The following ARL10 variants were observed in gnomAD, a reference collection of about 807,000 sequenced individuals.
ARL10 encodes the protein ARF like GTPase 10, also known as ADP-ribosylation factor-like protein 10.
ARL10 carries 23 observed loss-of-function variants against 26.1 expected under a neutral mutation model. The observed-to-expected ratio is 0.88, with a 90% CI of 0.63 to 1.25. The LOEUF is 1.25. Among genes scored for constraint, ARL10 ranks in the 50% most tolerant of loss-of-function variants. The pLI, the probability that ARL10 is intolerant of heterozygous loss-of-function variation, is 0.00. For synonymous variants in ARL10, 138 were observed against 149.1 expected, an observed-to-expected ratio of 0.93 and a Z score of 0.54; for missense variants, 300 against 323.6, an observed-to-expected ratio of 0.93 and a Z score of 0.56.
rs1035799496 is a variant in ARL10 at position 176,373,824 on chromosome 5, C to T, written c.*1929C>T. 3 of 152,172 alleles carry T rather than the reference C, an allele frequency of 2.0e-5. No homozygotes were observed. Among genetic ancestry groups the T allele is most frequent in the Non-Finnish European group, 4.4e-5 (3 of 68,024 alleles). The allele number at this position is 152,172 out of a possible 1,614,324, so 9.4% of individuals were successfully genotyped here. A position where few individuals can be genotyped will look rare whatever the true frequency, so the allele number is the denominator to read the frequency against. ...ATTGGAAGGCTAAGAGACTTTTCTC[C>T]TTTGTTCTATGAACTCCTTGTTCTT... is the stretch of plus-strand genomic sequence containing the variant. On this transcript the variant is annotated 3_prime_UTR_variant, in exon 4 of 4. Coordinates refer to ENST00000310389, the MANE Select transcript of ARL10 (RefSeq NM_173664.6).
chr5:176,388,617 G>A (rs982616743), exon 2 of ARL10: 1 of 1,430,690 alleles, frequency 7.0e-7, no homozygotes. Flanking sequence ...CCTTCCGGAA[G>A]GCGTGCACAA....
downstream of ARL10, chr5:176,389,561 C>G: frequency 6.6e-7 from 1 of 1,511,526 alleles, no homozygotes; most frequent in Non-Finnish European, 9.0e-7. Flanking sequence ...CAACCACTGG[C>G]CCTACCGTGG....
intron 3 of ARL10, among the ~76,000 whole-genome samples, chr5:176,371,271 A>G (rs185149794): frequency 6.5e-4 from 99 of 152,348 alleles, no homozygotes; most frequent in Non-Finnish European, 1.1e-3. Context: ...GCTACTAGGG[A>G]GGCTGAAGCA....
chr5:176,407,795 AGCT>A, the ARL10 span, among the ~76,000 whole-genome samples: 2 of 152,220 alleles, frequency 1.3e-5, no homozygotes, highest in Non-Finnish European at 2.9e-5. Flanking sequence ...CTAGACATGA[AGCT>A]GCTGAAGTCC....
downstream of ARL10, among the ~76,000 whole-genome samples, chr5:176,383,365 C>T (rs1033976594): frequency 1.3e-5 from 2 of 152,228 alleles, no homozygotes; most frequent in African/African-American, 2.4e-5. Flanking sequence ...AGGGCCCACT[C>T]CATACCCTGC....
downstream of ARL10, chr5:176,388,820 A>G (rs766183554): frequency 1.2e-5 from 19 of 1,613,502 alleles, no homozygotes; most frequent in African/African-American, 2.7e-5. Context: ...TGGCCCGGAC[A>G]TGGCGACTCC....
Position 176,394,777 on chromosome 5 carries a change from T to A in ARL10, c.134-6964T>A, listed in dbSNP as rs536587063. On this transcript the variant is annotated intron_variant, in intron 1 of 1. Coordinates refer to the ARL10 transcript ENST00000514533. ...TTGCAGTGAGCTGAGATCATGCCAC[T>A]GCACTCCAGCCTGGGTGACAGAGCA... is the stretch of plus-strand genomic sequence containing the variant. Among the ~76,000 whole-genome samples, 3 of 151,740 alleles carry A rather than the reference T, an allele frequency of 2.0e-5. No homozygotes were observed. The East Asian group carries it at 5.8e-4, about 29-fold the overall frequency.
chr5:176,365,587 CTTGGTGCTGGCGCTGGG>C lies in ARL10; in HGVS notation c.25_41del (p.Leu9ArgfsTer109). On this transcript the variant is annotated frameshift_variant, in exon 1 of 4. Coordinates refer to ENST00000310389, the MANE Select transcript of ARL10 (RefSeq NM_173664.6). LOFTEE classifies it high-confidence loss of function. The stretch of plus-strand genomic sequence containing the variant: ...CGATGGCGCCGCGGCCGCTGGGCCC[CTTGGTGCTGGCGCTGGG>C]CGGCGCCGCGGCGGTGCTGGGCTCG... 8.0e-7 allele frequency: 1 copy of C among 1,244,676 alleles called. No individual in the cohort carries two copies. Among genetic ancestry groups the C allele is most frequent in the East Asian group, 3.2e-5 (1 of 31,680 alleles). 77.1% of individuals were successfully genotyped at this position (1,244,676 alleles called of 1,614,324 possible).
chr5:176,387,500 T>A (rs1292193043), intron 1 of ARL10, among the ~76,000 whole-genome samples: 2 of 152,272 alleles, frequency 1.3e-5, no homozygotes, highest in African/African-American at 4.8e-5. Context: ...TATTCTTTCA[T>A]GCCAGAGGAA....
intron 1 of ARL10, chr5:176,398,126 T>C: frequency 7.6e-7 from 1 of 1,318,330 alleles, no homozygotes; most frequent in South Asian, 1.2e-5. Context: ...GGGGACCCAC[T>C]CATGTCTGGA....
chr5:176,396,217 C>T (rs1756514734), intron 1 of ARL10, among the ~76,000 whole-genome samples: 1 of 151,992 alleles, frequency 6.6e-6, no homozygotes, highest in South Asian at 2.1e-4. Flanking sequence ...GCCATTTGCC[C>T]CTCCCACATG....
rs932040928 is a variant in ARL10, at chr5:176,378,928, G to T, written c.*7033G>T. On this transcript the variant is annotated 3_prime_UTR_variant, in exon 4 of 4. Transcript: ENST00000310389. The stretch of plus-strand genomic sequence containing the variant: ...AAAAAAAAAATTTCAAATGATGTTG[G>T]TCTACTTGCTGAAAAATGCTGGGTT... 6.6e-6 allele frequency: 1 copy of T among 151,536 alleles called. No homozygotes were observed. Among genetic ancestry groups the T allele is most frequent in the Non-Finnish European group, 1.5e-5 (1 of 67,918 alleles). The allele number at this position is 151,536 out of a possible 1,614,324, so 9.4% of individuals were successfully genotyped here. A position where few individuals can be genotyped will look rare whatever the true frequency, so the allele number is the denominator to read the frequency against.
intron 1 of ARL10, among the ~76,000 whole-genome samples, chr5:176,400,112 A>G (rs997655087): frequency 3.3e-5 from 5 of 150,550 alleles, no homozygotes; most frequent in African/African-American, 7.3e-5. Context: ...AATCACTTGA[A>G]TCCGGGGCGG....
chr5:176,384,458 G>A (rs1755672002), downstream of ARL10: 1 of 1,371,138 alleles, frequency 7.3e-7, no homozygotes, highest in Admixed American at 2.0e-5. Flanking sequence ...CAAGCCACTT[G>A]CTATCTATCC....
At chr5:176,411,899 G>A in the ARL10 span, among the ~76,000 whole-genome samples, 9 of 151,958 alleles carry the variant, frequency 5.9e-5, no homozygotes, top group Admixed American at 2.0e-4. Context: ...TTTTTGGGCC[G>A]GGCGTGGTGG....
rs895162030 is a variant in ARL10, at chr5:176,377,649, G to A, written c.*5754G>A. The A allele has an allele frequency of 2.0e-5, 3 of 152,150 alleles. No individual in the cohort carries two copies. Among genetic ancestry groups the A allele is most frequent in the African/African-American group, 7.2e-5 (3 of 41,416 alleles). 9.4% of individuals were successfully genotyped at this position (152,150 alleles called of 1,614,324 possible). A position where few individuals can be genotyped will look rare whatever the true frequency, so the allele number is the denominator to read the frequency against. ...TTTTTATTATCTTCCCTGGATTATG[G>A]GTTTGACAAACCAGATATTGGTTAT... is the stretch of plus-strand genomic sequence containing the variant. On this transcript the variant is annotated 3_prime_UTR_variant, in exon 4 of 4. Transcript: ENST00000310389. This position sits in a 1 kb window ranked among gnomAD's most constrained non-coding sequence, Gnocchi z 4.5.
In ARL10 at chr5:176,381,808, T is replaced by C. The variant is rs1168178532; in HGVS notation, c.*9913T>C. 3 of 152,232 alleles carry C rather than the reference T, an allele frequency of 2.0e-5. No individual in the cohort carries two copies. The highest frequency in any genetic ancestry group is 4.4e-5 in the Non-Finnish European group (3 of 68,030). The allele number at this position is 152,232 out of a possible 1,614,324, so 9.4% of individuals were successfully genotyped here. On this transcript the variant is annotated 3_prime_UTR_variant, in exon 4 of 4. Transcript: ENST00000310389. ...TGAGGGGGTCCCTGGGGTCCCTTTT[T>C]ACCTAATGAAGATCTGTCTGAGTCT...
chr5:176,402,823 G>A (rs1431211083), downstream of ARL10, among the ~76,000 whole-genome samples: 1 of 152,154 alleles, frequency 6.6e-6, no homozygotes, highest in Non-Finnish European at 1.5e-5. Flanking sequence ...GTGGGGAAGG[G>A]AGGGCACCAT....
At chr5:176,396,921 C>G (rs1756551664) in intron 1 of ARL10, among the ~76,000 whole-genome samples, 1 of 150,812 alleles carries the variant, frequency 6.6e-6, no homozygotes, top group East Asian at 1.9e-4. Context: ...TTTCTTCGTA[C>G]CCAGGTCTAG....
Sources: allele counts gnomAD v4.1 joint callset (sites outside exome capture counted in the v4.1 genomes callset), GRCh38; gene constraint gnomAD v4.1.1; non-coding constraint Gnocchi (gnomAD v3.1); transcripts MANE v1.5; gene names NCBI Gene and HGNC (gene_info 2026-07-23, HGNC 2026-07-21).